The following HIBCH variants were observed in gnomAD, a reference collection of about 807,000 sequenced individuals.
The protein encoded by HIBCH is 3-hydroxyisobutyryl-CoA hydrolase, mitochondrial.
In HIBCH, 50 loss-of-function variants were observed where a neutral mutation model predicts 58.2. That is an observed-to-expected ratio of 0.86 (90% CI 0.68 to 1.09). The LOEUF is 1.09. HIBCH is among the 50% of genes least tolerant of loss of function. The pLI is 0.00. For missense variants in HIBCH, 450 were observed against 449.7 expected (o/e 1.00, Z -0.01); for synonymous variants, 151 against 146.9 (o/e 1.03, Z -0.20).
At chr2:190,240,094 C>A (rs1686407517) in intron 11 of HIBCH, among the ~76,000 whole-genome samples, 1 of 152,166 alleles carries the variant, frequency 6.6e-6, no homozygotes, top group African/African-American at 2.4e-5. Context: ...CTCTTCATAC[C>A]TCTGGCAGAA....
chr2:190,297,905 T>C (rs1393985853), intron 2 of HIBCH, among the ~76,000 whole-genome samples: 1 of 149,104 alleles, frequency 6.7e-6, no homozygotes, highest in East Asian at 2.0e-4. Context: ...TCCCTCCCCT[T>C]GCCCCCCACC....
At chr2:190,266,561 G>A (rs1453786800) in intron 6 of HIBCH, among the ~76,000 whole-genome samples, 1 of 151,668 alleles carries the variant, frequency 6.6e-6, no homozygotes, top group Non-Finnish European at 1.5e-5. Context: ...GGCCTCCGGA[G>A]TAGCTGGAAC....
intron 4 of HIBCH, among the ~76,000 whole-genome samples, chr2:190,292,949 G>A (rs977114353): frequency 4.6e-5 from 7 of 151,840 alleles, no homozygotes; most frequent in Non-Finnish European, 1.0e-4. Context: ...TATTGTCTTG[G>A]ACTATAATCT....
downstream of HIBCH, chr2:190,200,022 C>T (rs772767105): frequency 6.2e-7 from 1 of 1,614,014 alleles, no homozygotes; most frequent in Admixed American, 1.7e-5. Context: ...CTCCAGGGAC[C>T]AATACTGTGA....
At position 190,209,200 on chromosome 2, in the gene HIBCH, A is replaced by G. The variant is rs147571129; in HGVS notation, c.1012-287T>C. ...TTCACTTTGCTCTTCATCCAGCCCAATTTCACCAGTCCTTTAATATGGTCA... is the reference window on the plus strand; with the variant it reads ...TTCACTTTGCTCTTCATCCAGCCCAGTTTCACCAGTCCTTTAATATGGTCA... On this transcript the variant is annotated intron_variant, in intron 12 of 13. Transcript: ENST00000359678. The surrounding 1 kb of genome is among the most constrained non-coding windows in gnomAD (Gnocchi z 5.6). 9.7e-4 allele frequency among the ~76,000 whole-genome samples: 147 copies of G among 152,220 alleles called. No individual in the cohort carries two copies. Among genetic ancestry groups the G allele is most frequent in the African/African-American group, 3.3e-3 (135 of 41,528 alleles).
Position 190,205,077 on chromosome 2 carries a change from C to T in HIBCH, c.*40G>A. 3 of 1,148,788 alleles carry T rather than the reference C, an allele frequency of 2.6e-6. No homozygotes were observed. Among genetic ancestry groups the T allele is most frequent in the Non-Finnish European group, 3.9e-6 (3 of 764,206 alleles). The allele number at this position is 1,148,788 out of a possible 1,614,324, so 71.2% of individuals were successfully genotyped here. On this transcript the variant is annotated 3_prime_UTR_variant, in exon 14 of 14. Transcript: ENST00000359678. ...GATTTGGCCCACATGCTGTAGATTG[C>T]CAACCCATGCTACAAAATATACCTT...
chr2:190,273,492 G>A (rs1242803061), intron 6 of HIBCH, among the ~76,000 whole-genome samples: 2 of 152,134 alleles, frequency 1.3e-5, no homozygotes, highest in Non-Finnish European at 2.9e-5. Context: ...GGGATGAGAG[G>A]AGATCTACCG....
At chr2:190,251,523 G>A (rs1234907871) in intron 8 of HIBCH, 2 of 448,098 alleles carry the variant, frequency 4.5e-6, no homozygotes, top group African/African-American at 2.1e-5. Context: ...GTAACACAAG[G>A]AGTTTCAACT....
At chr2:190,228,293 T>C (rs1368291610) in intron 11 of HIBCH, among the ~76,000 whole-genome samples, 1 of 150,916 alleles carries the variant, frequency 6.6e-6, no homozygotes, top group Non-Finnish European at 1.5e-5. Flanking sequence ...CAGCAAATTA[T>C]CGCAAGGACA....
At chr2:190,221,904 G>T (rs1386788937) in intron 11 of HIBCH, among the ~76,000 whole-genome samples, 3 of 152,084 alleles carry the variant, frequency 2.0e-5, no homozygotes, top group African/African-American at 7.2e-5. Flanking sequence ...CCCCTTCCTT[G>T]AGAGCCACTT....
chr2:190,218,724 T>G lies in HIBCH; in HGVS notation c.892-5649A>C, dbSNP rs191137884. Among the ~76,000 whole-genome samples the G allele has an allele frequency of 1.4e-3, 220 of 152,340 alleles. 1 individual carries two copies. The highest frequency in any genetic ancestry group is 5.3e-3 in the African/African-American group (219 of 41,582). ...TAGCTGCGTTTCCCCTAAAATGGGA[T>G]ACCAATCCCAGAGGAATGCATTGCA... On this transcript the variant is annotated intron_variant, in intron 11 of 13. Transcript: ENST00000359678.
At chr2:190,247,324 T>C (rs548508146) in intron 9 of HIBCH, among the ~76,000 whole-genome samples, 2 of 152,328 alleles carry the variant, frequency 1.3e-5, no homozygotes, top group East Asian at 3.9e-4. Context: ...TAGAACTCTT[T>C]GATAAGCCCC....
chr2:190,287,951 G>A (rs2105982291), intron 5 of HIBCH, among the ~76,000 whole-genome samples: 1 of 152,192 alleles, frequency 6.6e-6, no homozygotes, highest in African/African-American at 2.4e-5. Context: ...GAGGTCAGCA[G>A]TATGAGACCA....
intron 10 of HIBCH, among the ~76,000 whole-genome samples, chr2:190,245,827 T>G (rs375308801): frequency 1.3e-5 from 2 of 151,982 alleles, no homozygotes; most frequent in Non-Finnish European, 2.9e-5. Context: ...CTGTCTCTAC[T>G]AAAAATACAA....
At position 190,210,253 on chromosome 2, in the gene HIBCH, C is replaced by T. The variant is rs1308607075; in HGVS notation, c.1012-1340G>A. On this transcript the variant is annotated intron_variant, in intron 12 of 13. Coordinates refer to ENST00000359678, the MANE Select transcript of HIBCH (RefSeq NM_014362.4). The surrounding 1 kb of genome is among the most constrained non-coding windows in gnomAD (Gnocchi z 5.5). ...GGCTTGCCAAAACCACCCATGACATCGGCATCGCCAAGGTCAAATGACACT... is the reference window on the plus strand; with the variant it reads ...GGCTTGCCAAAACCACCCATGACATTGGCATCGCCAAGGTCAAATGACACT... 1.3e-5 allele frequency among the ~76,000 whole-genome samples: 2 copies of T among 152,178 alleles called. No individual in the cohort carries two copies. Among genetic ancestry groups the T allele is most frequent in the African/African-American group, 2.4e-5 (1 of 41,430 alleles).
chr2:190,254,230 G>C lies in HIBCH; in HGVS notation c.518-1923C>G, dbSNP rs1156408053. 1.3e-5 allele frequency among the ~76,000 whole-genome samples: 2 copies of C among 152,108 alleles called. No homozygotes were observed. The highest frequency in any genetic ancestry group is 4.8e-5 in the African/African-American group (2 of 41,422). On this transcript the variant is annotated intron_variant, in intron 7 of 13. Coordinates refer to ENST00000359678, the MANE Select transcript of HIBCH (RefSeq NM_014362.4). The surrounding 1 kb of genome is among the most constrained non-coding windows in gnomAD (Gnocchi z 5.0). ...TTTGAAGAGGTAATTAAGTTTAAGT[G>C]AGGTCATAAGGGTGGGGTCCTAATC... is the stretch of plus-strand genomic sequence containing the variant.
rs559838010 is a variant in HIBCH, at chr2:190,247,943, T to C, written c.750+1697A>G. Reference sequence around the variant, plus strand: ...CTACAGTATAGTGTAAAAGTTTTTATGAGCACTGGAAAACCAAAACATTCA... The same window carrying C: ...CTACAGTATAGTGTAAAAGTTTTTACGAGCACTGGAAAACCAAAACATTCA... On this transcript the variant is annotated intron_variant, in intron 9 of 13. Coordinates refer to ENST00000359678, the MANE Select transcript of HIBCH (RefSeq NM_014362.4). Among the ~76,000 whole-genome samples the C allele has an allele frequency of 2.0e-5, 3 of 152,358 alleles. No homozygotes were observed. In the South Asian group the frequency reaches 6.2e-4, roughly 32 times the overall value.
rs1049624465 is a variant in HIBCH at position 190,222,605 on chromosome 2, A to G, written c.892-9530T>C. Among the ~76,000 whole-genome samples, 4 of 152,358 alleles carry G rather than the reference A, an allele frequency of 2.6e-5. No individual in the cohort carries two copies. The East Asian group carries it at 7.7e-4, about 29-fold the overall frequency. ...CACGCCAGTCAGAATGGCGATCATT[A>G]AAAAGTCAGGAAAAAACAGATCCTG... On this transcript the variant is annotated intron_variant, in intron 11 of 13. Coordinates refer to ENST00000359678, the MANE Select transcript of HIBCH (RefSeq NM_014362.4).
Position 190,315,570 on chromosome 2 carries a change from C to T in HIBCH, c.35+4146G>A, listed in dbSNP as rs781060262. On this transcript the variant is annotated intron_variant, in intron 1 of 13. Coordinates refer to ENST00000359678, the MANE Select transcript of HIBCH (RefSeq NM_014362.4). The surrounding 1 kb of genome is among the most constrained non-coding windows in gnomAD (Gnocchi z 5.4). ...ATCCAATAAAACAAACATGGCCTCA[C>T]GAAATTAAACAACTACATGAAACTG... is the stretch of plus-strand genomic sequence containing the variant. Among the ~76,000 whole-genome samples, 5 of 152,126 alleles carry T rather than the reference C, an allele frequency of 3.3e-5. No individual in the cohort carries two copies. The highest frequency in any genetic ancestry group is 2.1e-4 in the South Asian group (1 of 4,828).
Sources: gnomAD v4.1 joint callset for allele counts (sites outside exome capture counted in the v4.1 genomes callset) on GRCh38, gnomAD v4.1.1 for gene constraint, Gnocchi (gnomAD v3.1) non-coding constraint, MANE v1.5 for transcripts, NCBI Gene and HGNC (gene_info 2026-07-23, HGNC 2026-07-21) for gene names.